MYO18A: variants seen among roughly 807,000 people sequenced by gnomAD.
MYO18A encodes the protein unconventional myosin-XVIIIa.
In MYO18A, 78 loss-of-function variants were observed where a neutral mutation model predicts 235.8. The ratio of observed to expected loss-of-function variants is 0.33; its 90% confidence interval spans 0.28 to 0.40. MYO18A has a LOEUF of 0.40. Ranked by LOEUF, MYO18A falls within the 10% of genes least tolerant of loss-of-function variation. MYO18A has a pLI of 1.00. For synonymous variants in MYO18A, 977 were observed against 1,077.8 expected, an observed-to-expected ratio of 0.91 and a Z score of 1.83; for missense variants, 2,215 against 2,699.3, an observed-to-expected ratio of 0.82 and a Z score of 3.98.
At chr17:29,082,206 C>A in intron 41 of MYO18A, 110 bp downstream of exon 41, 2 of 1,463,324 alleles carry the variant, frequency 1.4e-6, no homozygotes, top group Non-Finnish European at 1.9e-6. Context: ...GCCGCAGTCA[C>A]AAATGCCAGA....
intron 21 of MYO18A, among the ~76,000 whole-genome samples, chr17:29,101,553 C>T (rs965958602): frequency 2.6e-5 from 4 of 152,138 alleles, no homozygotes; most frequent in Non-Finnish European, 4.4e-5. Flanking sequence ...GCAATCTGCC[C>T]ACCTCAGCCT....
intron 41 of MYO18A, chr17:29,080,136 A>C: frequency 2.0e-6 from 2 of 985,940 alleles, no homozygotes; most frequent in South Asian, 9.4e-5. Flanking sequence ...GGATGCTGGC[A>C]GCTCGCTCCG....
intron 33 of MYO18A, among the ~76,000 whole-genome samples, 160 bp downstream of exon 33, chr17:29,092,695 C>T (rs2152760647): frequency 6.6e-6 from 1 of 152,336 alleles, no homozygotes; most frequent in South Asian, 2.1e-4. Context: ...AAGGCACACG[C>T]AGAGCCTGGG....
intron 2 of MYO18A, among the ~76,000 whole-genome samples, chr17:29,151,491 C>T (rs1050255889): frequency 2.0e-5 from 3 of 152,120 alleles, no homozygotes; most frequent in Admixed American, 6.6e-5. Flanking sequence ...TGCTTAGACT[C>T]CTATCCACAC....
chr17:29,148,078 A>C (rs968503514), intron 2 of MYO18A, among the ~76,000 whole-genome samples: 1 of 151,962 alleles, frequency 6.6e-6, no homozygotes, highest in African/African-American at 2.4e-5. Flanking sequence ...GGAGATTGAG[A>C]AAAGTAAGGA....
chr17:29,126,222 C>G lies in MYO18A; in HGVS notation c.1000-3969G>C, dbSNP rs777842807. On this transcript the variant is annotated intron_variant, in intron 2 of 41. Transcript: ENST00000527372. This position sits in a 1 kb window ranked among gnomAD's most constrained non-coding sequence, Gnocchi z 4.1. ...CTATTATCCCACTTGCCCTCTGGAC[C>G]CTTCCCCAGGCCCAGGTGACAGGTG... is the stretch of plus-strand genomic sequence containing the variant. 5.9e-5 allele frequency among the ~76,000 whole-genome samples: 9 copies of G among 152,100 alleles called. No homozygotes were observed. Among genetic ancestry groups the G allele is most frequent in the African/African-American group, 9.7e-5 (4 of 41,404 alleles).
chr17:29,079,513 C>A (rs917165701), intron 41 of MYO18A, among the ~76,000 whole-genome samples: 2 of 152,350 alleles, frequency 1.3e-5, no homozygotes, highest in Middle Eastern at 3.4e-3. Context: ...GCTATGACAT[C>A]ACCAGCGAGT....
At chr17:29,097,699 A>C in intron 26 of MYO18A, 89 bp downstream of exon 26, 1 of 1,119,070 alleles carries the variant, frequency 8.9e-7, no homozygotes, top group South Asian at 1.5e-5. Context: ...GAGGGGAGAC[A>C]GGCCTGGACA....
At chr17:29,092,181 C>T (rs2066413262) in intron 34 of MYO18A, among the ~76,000 whole-genome samples, 162 bp downstream of exon 34, 1 of 152,206 alleles carries the variant, frequency 6.6e-6, no homozygotes. Context: ...TGGAGAGACG[C>T]AGAGGAGGGG....
chr17:29,176,424 G>C (rs2068529118), intron 1 of MYO18A: 1 of 152,114 alleles, frequency 6.6e-6, no homozygotes, highest in South Asian at 2.1e-4. Context: ...TATAACGTTA[G>C]AGTCCCAAGA....
At position 29,120,346 on chromosome 17, in the gene MYO18A, T is replaced by G. The variant is rs554347001; in HGVS notation, c.1728+270A>C. On this transcript the variant is annotated intron_variant, in intron 7 of 41. Coordinates refer to ENST00000527372, the MANE Select transcript of MYO18A (RefSeq NM_078471.4). The surrounding 1 kb of genome is among the most constrained non-coding windows in gnomAD (Gnocchi z 4.2). ...AATCTCAGAAAGTGGGAAGTAAGGC[T>G]GAGGCCCAGCAGTAGAGTTAGGACA... 6.6e-6 allele frequency among the ~76,000 whole-genome samples: 1 copy of G among 152,266 alleles called. No individual in the cohort carries two copies. The highest frequency in any genetic ancestry group is 1.9e-4 in the East Asian group (1 of 5,184).
chr17:29,116,548 G>T, intron 10 of MYO18A, 93 bp from the exon 11 acceptor site: 1 of 1,510,708 alleles, frequency 6.6e-7, no homozygotes, highest in South Asian at 1.1e-5. Flanking sequence ...GAGGGACCGT[G>T]GGGCGGGGGT....
At chr17:29,092,124 G>T (rs1240600216) in intron 34 of MYO18A, among the ~76,000 whole-genome samples, 1 of 152,232 alleles carries the variant, frequency 6.6e-6, no homozygotes, top group Non-Finnish European at 1.5e-5. Context: ...ATGGGCCCTT[G>T]CTGGCTCCCT....
chr17:29,171,918 A>C (rs2068414366), intron 1 of MYO18A, among the ~76,000 whole-genome samples: 1 of 152,010 alleles, frequency 6.6e-6, no homozygotes, highest in Non-Finnish European at 1.5e-5. Context: ...AAAAAAAAAA[A>C]ACCATAGCCT....
chr17:29,171,600 G>A (rs2068405673), intron 1 of MYO18A, among the ~76,000 whole-genome samples: 2 of 152,094 alleles, frequency 1.3e-5, no homozygotes, highest in African/African-American at 4.8e-5. Context: ...AAAATTTTAA[G>A]ACAGCTTGAT....
chr17:29,133,018 C>T (rs138017589), intron 2 of MYO18A, among the ~76,000 whole-genome samples: 227 of 152,366 alleles, frequency 1.5e-3, no homozygotes, highest in South Asian at 4.6e-3. Context: ...CATTACTGCA[C>T]GCAGTGCTGT....
rs1568038523 is a variant in MYO18A at position 29,083,516 on chromosome 17, ATGTGTGCGCGCGCG to A, written c.5898-1092_5898-1079del. Among the ~76,000 whole-genome samples the A allele has an allele frequency of 9.2e-3, 1,325 of 144,278 alleles. 22 individuals carry two copies. The highest frequency in any genetic ancestry group is 0.042 in the Middle Eastern group (12 of 288). 94.7% of individuals were successfully genotyped at this position (144,278 alleles called of 152,430 possible). On this transcript the variant is annotated intron_variant, in intron 40 of 41. Transcript: ENST00000527372. ...TTCTTAAATAAACAGCCACACAGGC[ATGTGTGCGCGCGCG>A]CGCACACACACACACACACACACAC...
rs959491203 is a variant in MYO18A at position 29,126,976 on chromosome 17, C to T, written c.1000-4723G>A. 1.3e-5 allele frequency among the ~76,000 whole-genome samples: 2 copies of T among 152,192 alleles called. No individual in the cohort carries two copies. The highest frequency in any genetic ancestry group is 2.9e-5 in the Non-Finnish European group (2 of 68,020). The stretch of plus-strand genomic sequence containing the variant: ...AGAGTCCTGCTGCCAGATGGTCATG[C>T]TGGCCAGGCCTAAAGAAGGCAGTGA... On this transcript the variant is annotated intron_variant, in intron 2 of 41. Transcript: ENST00000527372. The surrounding 1 kb of genome is among the most constrained non-coding windows in gnomAD (Gnocchi z 4.1).
Position 29,107,040 on chromosome 17 carries a change from GCCTGGGCAGAGGGAGAGCGGTCTGGGGA to G in MYO18A, c.3441+12_3441+39del. 6.3e-7 allele frequency: 1 copy of G among 1,581,232 alleles called. No homozygotes were observed. Among genetic ancestry groups the G allele is most frequent in the Non-Finnish European group, 8.7e-7 (1 of 1,150,156 alleles). On this transcript the variant is annotated intron_variant, in intron 20 of 41. Transcript: ENST00000527372. ...TCTGGAAAGGGCAGCTGCTTGAGGGGCCTGGGCAGAGGGAGAGCGGTCTGGGGACCTGGACCTACCCGCCTTTCATCCA... is the reference window on the plus strand; with the variant it reads ...TCTGGAAAGGGCAGCTGCTTGAGGGGCCTGGACCTACCCGCCTTTCATCCA...
Sources: allele counts gnomAD v4.1 joint callset (sites outside exome capture counted in the v4.1 genomes callset), GRCh38; gene constraint gnomAD v4.1.1; non-coding constraint Gnocchi (gnomAD v3.1); transcripts MANE v1.5; gene names NCBI Gene and HGNC (gene_info 2026-07-23, HGNC 2026-07-21).